Variants in CNTN5 observed in about 807,000 individuals in gnomAD.
CNTN5 encodes contactin-5.
CNTN5 carries 77 observed loss-of-function variants against 129.1 expected under a neutral mutation model. The ratio of observed to expected loss-of-function variants is 0.60; its 90% confidence interval spans 0.50 to 0.72. CNTN5 has a LOEUF of 0.72. CNTN5 is among the 30% of genes least tolerant of loss of function. CNTN5 has a pLI of 0.00. For missense variants in CNTN5, 1,478 were observed against 1,328.8 expected (o/e 1.11, Z -1.75); for synonymous variants, 509 against 465.6 (o/e 1.09, Z -1.20).
chr11:99,785,802 C>A (rs1195260789), intron 3 of CNTN5, among the ~76,000 whole-genome samples: 1 of 152,102 alleles, frequency 6.6e-6, no homozygotes, highest in Non-Finnish European at 1.5e-5. Flanking sequence ...TAAAATTCAG[C>A]ACCCCTTCAT....
At chr11:99,543,236 G>C (rs1167081263) in intron 2 of CNTN5, among the ~76,000 whole-genome samples, 5 of 152,168 alleles carry the variant, frequency 3.3e-5, no homozygotes, top group African/African-American at 1.2e-4. Flanking sequence ...CAGAAATGAA[G>C]TGATTTCTGC....
intron 3 of CNTN5, among the ~76,000 whole-genome samples, chr11:99,778,983 A>G (rs1033890087): frequency 2.6e-5 from 4 of 151,802 alleles, no homozygotes; most frequent in South Asian, 2.1e-4. Flanking sequence ...GAGAGATTAT[A>G]TAGTGTTTTA....
chr11:99,919,138 G>A (rs1484712327), intron 7 of CNTN5, among the ~76,000 whole-genome samples: 2 of 152,104 alleles, frequency 1.3e-5, no homozygotes, highest in Non-Finnish European at 2.9e-5. Flanking sequence ...AGCAAATTTT[G>A]CCTTGCTGAG....
chr11:99,484,195 AC>A lies in CNTN5; in HGVS notation c.-70-71949del, dbSNP rs370252730. 2.0e-3 allele frequency among the ~76,000 whole-genome samples: 310 copies of A among 152,280 alleles called. 4 individuals carry two copies. Among genetic ancestry groups the A allele is most frequent in the African/African-American group, 7.0e-3 (291 of 41,580 alleles). On this transcript the variant is annotated intron_variant, in intron 2 of 24. Coordinates refer to ENST00000524871, the MANE Select transcript of CNTN5 (RefSeq NM_014361.4). ...AAAAGCAAAAAATAAAAACAAAAAA[AC>A]ACAATACAATTTAAAAAGTATGAGT... is the stretch of plus-strand genomic sequence containing the variant.
chr11:99,173,987 C>A (rs976414854), intron 1 of CNTN5, among the ~76,000 whole-genome samples: 1 of 143,378 alleles, frequency 7.0e-6, no homozygotes, highest in Non-Finnish European at 1.5e-5. Context: ...AAAGAAGAAG[C>A]GTCAAAAATG....
At chr11:100,176,103 T>G (rs1306700214) in intron 13 of CNTN5, among the ~76,000 whole-genome samples, 1 of 152,114 alleles carries the variant, frequency 6.6e-6, no homozygotes, top group African/African-American at 2.4e-5. Context: ...CACTGCAACC[T>G]CTGCCTTCCG....
At chr11:99,429,241 T>C (rs898446074) in intron 2 of CNTN5, among the ~76,000 whole-genome samples, 2 of 152,186 alleles carry the variant, frequency 1.3e-5, no homozygotes, top group Non-Finnish European at 2.9e-5. Flanking sequence ...TAAGTGCTTT[T>C]TTATTTAAGC....
At chr11:99,335,868 A>G (rs920454506) in intron 2 of CNTN5, among the ~76,000 whole-genome samples, 2 of 152,098 alleles carry the variant, frequency 1.3e-5, no homozygotes, top group Non-Finnish European at 2.9e-5. Flanking sequence ...GACAATGAGT[A>G]CAGGAACAGT....
At chr11:99,647,488 T>C (rs1952009504) in intron 3 of CNTN5, among the ~76,000 whole-genome samples, 1 of 152,056 alleles carries the variant, frequency 6.6e-6, no homozygotes, top group African/African-American at 2.4e-5. Flanking sequence ...TTCAGTCTTG[T>C]TCTTTTTGCT....
intron 21 of CNTN5, among the ~76,000 whole-genome samples, chr11:100,315,506 G>A (rs1951557650): frequency 6.6e-6 from 1 of 152,138 alleles, no homozygotes; most frequent in Non-Finnish European, 1.5e-5. Flanking sequence ...GGGGCTTGAG[G>A]ACAATTTAGC....
intron 2 of CNTN5, among the ~76,000 whole-genome samples, chr11:99,399,480 T>G (rs928267923): frequency 1.3e-5 from 2 of 151,710 alleles, no homozygotes; most frequent in African/African-American, 4.8e-5. Flanking sequence ...ATTTTTAAAG[T>G]TTTACAAAAC....
intron 2 of CNTN5, among the ~76,000 whole-genome samples, chr11:99,497,605 CAA>C (rs1256096535): frequency 1.3e-5 from 2 of 152,166 alleles, no homozygotes; most frequent in Admixed American, 1.3e-4. Flanking sequence ...ACAGAATATT[CAA>C]AAAGAGTTGA....
chr11:99,277,339 T>C (rs1322976393), intron 1 of CNTN5, among the ~76,000 whole-genome samples: 1 of 151,696 alleles, frequency 6.6e-6, no homozygotes, highest in Non-Finnish European at 1.5e-5. Context: ...TAGCTTCATA[T>C]CATTTCTCAG....
intron 3 of CNTN5, among the ~76,000 whole-genome samples, chr11:99,687,710 G>A (rs1013849039): frequency 3.3e-5 from 5 of 152,132 alleles, no homozygotes; most frequent in African/African-American, 1.2e-4. Flanking sequence ...AGATTATAGG[G>A]AACATAAGAT....
chr11:100,015,512 C>T (rs1940776364), intron 9 of CNTN5, among the ~76,000 whole-genome samples: 1 of 152,136 alleles, frequency 6.6e-6, no homozygotes, highest in South Asian at 2.1e-4. Context: ...AAAGTGCACA[C>T]ACTTCCCTGT....
At chr11:99,359,921 T>C (rs1036665111) in intron 2 of CNTN5, among the ~76,000 whole-genome samples, 1 of 152,160 alleles carries the variant, frequency 6.6e-6, no homozygotes, top group Non-Finnish European at 1.5e-5. Context: ...ACAACTTGGA[T>C]TAAAAATCAA....
intron 8 of CNTN5, among the ~76,000 whole-genome samples, chr11:99,996,013 C>A (rs1464738505): frequency 1.3e-5 from 2 of 152,158 alleles, no homozygotes; most frequent in African/African-American, 2.4e-5. Context: ...CTTGTAGGTA[C>A]TTCAAACTCA....
At position 100,299,180 on chromosome 11, in the gene CNTN5, C is replaced by A; in HGVS notation, c.2404C>A (p.Gln802Lys). 6.2e-7 allele frequency: 1 copy of A among 1,604,678 alleles called. No homozygotes were observed. The change falls in exon 20 of 25, where the codon CAG becomes AAG. Residue 802 changes from glutamine to lysine, a missense_variant. Gln to Lys is a moderately conservative substitution (Grantham distance 53). Coordinates refer to ENST00000524871, the MANE Select transcript of CNTN5 (RefSeq NM_014361.4). ...IAWEPVSEEF[Q>K]NGEGFGYIVA... The stretch of plus-strand genomic sequence containing the variant: ...TCTTTAGCCAGTATCTGAAGAGTTT[C>A]AGAATGGGGAAGGCTTCGGCTATAT...
At chr11:99,575,995 C>A (rs1004690646) in intron 3 of CNTN5, among the ~76,000 whole-genome samples, 1 of 152,176 alleles carries the variant, frequency 6.6e-6, no homozygotes, top group Non-Finnish European at 1.5e-5. Context: ...CCGGTGGCCA[C>A]ATCACAGCTG....
Sources: allele counts gnomAD v4.1 joint callset (sites outside exome capture counted in the v4.1 genomes callset), GRCh38; gene constraint gnomAD v4.1.1; transcripts MANE v1.5; gene names NCBI Gene and HGNC (gene_info 2026-07-23, HGNC 2026-07-21).